The following ANO4 variants were observed in gnomAD, a reference collection of about 807,000 sequenced individuals.
ANO4 encodes anoctamin-4.
A neutral mutation model predicts 141.9 loss-of-function variants in ANO4; 69 were observed. The observed-to-expected ratio is 0.49, with a 90% CI of 0.40 to 0.59. The LOEUF is 0.59. Ranked by LOEUF, ANO4 falls within the 20% of genes least tolerant of loss-of-function variation. The pLI is 0.00. For missense variants in ANO4, 894 were observed against 1,162.2 expected (o/e 0.77, Z 3.36); for synonymous variants, 350 against 394.3 (o/e 0.89, Z 1.33).
chr12:100,817,103 T>C (rs2135722778), intron 1 of ANO4, among the ~76,000 whole-genome samples: 1 of 152,026 alleles, frequency 6.6e-6, no homozygotes. Context: ...TGTGGGAAGA[T>C]ATAAAATTCA....
intron 7 of ANO4, among the ~76,000 whole-genome samples, chr12:100,978,738 G>A (rs1406312790): frequency 6.6e-6 from 1 of 152,252 alleles, no homozygotes; most frequent in African/African-American, 2.4e-5. Context: ...GAAATTCAGA[G>A]TTGAGGAGAA....
chr12:100,745,434 C>T (rs557842880), intron 3 of ANO4, among the ~76,000 whole-genome samples: 18 of 152,240 alleles, frequency 1.2e-4, no homozygotes, highest in South Asian at 2.1e-4. Context: ...CCATAATAGA[C>T]GTAAATAAAG....
intron 8 of ANO4, among the ~76,000 whole-genome samples, chr12:101,009,042 T>A (rs1422751324): frequency 6.6e-6 from 1 of 152,142 alleles, no homozygotes; most frequent in Non-Finnish European, 1.5e-5. Flanking sequence ...ATTTTTGCGA[T>A]CATGCATACT....
At chr12:101,118,232 T>TA (rs543542679) in intron 25 of ANO4, among the ~76,000 whole-genome samples, 97 of 152,310 alleles carry the variant, frequency 6.4e-4, no homozygotes, top group African/African-American at 2.2e-3. Context: ...TATTTGGAGT[T>TA]AAAAACTTTG....
intron 14 of ANO4, among the ~76,000 whole-genome samples, chr12:101,058,921 G>A (rs898469735): frequency 1.3e-5 from 2 of 152,144 alleles, no homozygotes; most frequent in Non-Finnish European, 2.9e-5. Flanking sequence ...TGGTGAGAGA[G>A]GGCATTCTTA....
At chr12:101,085,694 C>T (rs1047607357) in intron 16 of ANO4, among the ~76,000 whole-genome samples, 1 of 152,066 alleles carries the variant, frequency 6.6e-6, no homozygotes. Flanking sequence ...TTCTCAAATG[C>T]CATGAAATCT....
intron 9 of ANO4, among the ~76,000 whole-genome samples, chr12:101,020,927 A>G (rs961931151): frequency 1.3e-5 from 2 of 152,190 alleles, no homozygotes; most frequent in African/African-American, 4.8e-5. Context: ...TCTAATCAGG[A>G]GACAAAGGCA....
intron 3 of ANO4, among the ~76,000 whole-genome samples, chr12:100,929,024 C>T (rs2041985957): frequency 6.6e-6 from 1 of 151,890 alleles, no homozygotes; most frequent in Admixed American, 6.6e-5. Context: ...TTATGGGGTA[C>T]ATGAAATATT....
intron 5 of ANO4, among the ~76,000 whole-genome samples, chr12:100,960,116 T>C (rs1297281372): frequency 6.6e-6 from 1 of 152,154 alleles, no homozygotes; most frequent in East Asian, 1.9e-4. Context: ...ATATGGCTCC[T>C]GCCTACCCAA....
At chr12:100,775,288 G>A (rs1241624392) in intron 3 of ANO4, among the ~76,000 whole-genome samples, 3 of 152,078 alleles carry the variant, frequency 2.0e-5, no homozygotes, top group African/African-American at 7.2e-5. Context: ...AAATACGTTC[G>A]TTAAAAATGA....
chr12:101,086,565 C>T (rs2049509175), intron 16 of ANO4, 95 bp from the exon 17 acceptor site: 10 of 1,423,756 alleles, frequency 7.0e-6, no homozygotes, highest in Non-Finnish European at 8.8e-6. Context: ...CATGGTGTTA[C>T]TTCCTTTTCC....
chr12:100,827,587 G>T (rs1432616200), intron 1 of ANO4, among the ~76,000 whole-genome samples: 2 of 151,814 alleles, frequency 1.3e-5, no homozygotes, highest in African/African-American at 4.8e-5. Context: ...TCTGTCAGCT[G>T]ACTAAATGAA....
chr12:101,072,963 G>C (rs554340352), intron 14 of ANO4, among the ~76,000 whole-genome samples: 3 of 152,264 alleles, frequency 2.0e-5, no homozygotes, highest in African/African-American at 7.2e-5. Context: ...TGGAGAAATA[G>C]GAACGCTTTT....
At chr12:101,103,973 A>G (rs1037960278) in intron 22 of ANO4, among the ~76,000 whole-genome samples, 4 of 151,778 alleles carry the variant, frequency 2.6e-5, no homozygotes, top group African/African-American at 9.6e-5. Context: ...TTAGTCATGT[A>G]TTTTTTCAAG....
At chr12:100,919,773 T>TA (rs1263311275) in intron 2 of ANO4, among the ~76,000 whole-genome samples, 2 of 150,512 alleles carry the variant, frequency 1.3e-5, no homozygotes, top group Non-Finnish European at 3.0e-5. Context: ...TCTATCTATC[T>TA]ATCTATCTAA....
At chr12:100,799,473 T>G (rs2034548037) in intron 1 of ANO4, among the ~76,000 whole-genome samples, 1 of 152,180 alleles carries the variant, frequency 6.6e-6, no homozygotes, top group South Asian at 2.1e-4. Context: ...CCAGGGGCGG[T>G]GGCCCATGCC....
chr12:101,045,932 T>C (rs2047610293), intron 13 of ANO4, among the ~76,000 whole-genome samples: 2 of 152,322 alleles, frequency 1.3e-5, no homozygotes, highest in Admixed American at 1.3e-4. Flanking sequence ...ACTGTGTCTA[T>C]GGGAATCTTC....
chr12:101,015,654 A>G (rs891075836), intron 8 of ANO4, among the ~76,000 whole-genome samples: 3 of 152,196 alleles, frequency 2.0e-5, no homozygotes, highest in African/African-American at 7.2e-5. Context: ...ATTAGATGGT[A>G]TGTAGTGAAG....
At chr12:100,919,859 A>G (rs1017757026) in intron 2 of ANO4, among the ~76,000 whole-genome samples, 2 of 151,924 alleles carry the variant, frequency 1.3e-5, no homozygotes, top group East Asian at 3.9e-4. Context: ...ATCATTAAGT[A>G]TTCTTTGAAG....
Sources: gnomAD v4.1 joint callset for allele counts (sites outside exome capture counted in the v4.1 genomes callset) on GRCh38, gnomAD v4.1.1 for gene constraint, MANE v1.5 for transcripts, NCBI Gene and HGNC (gene_info 2026-07-23, HGNC 2026-07-21) for gene names.